The following GIGYF2 variants were observed in gnomAD, a reference collection of about 807,000 sequenced individuals.
GIGYF2 encodes the protein GRB10 interacting GYF protein 2.
GIGYF2 carries 25 observed loss-of-function variants against 208.1 expected under a neutral mutation model. That is an observed-to-expected ratio of 0.12 (90% CI 0.09 to 0.17). The LOEUF (loss-of-function observed/expected upper bound fraction) is 0.17. Among genes scored for constraint, GIGYF2 ranks in the 10% least tolerant of loss-of-function variants. GIGYF2 has a pLI of 1.00. For missense variants in GIGYF2, 1,302 were observed against 1,579.4 expected (o/e 0.82, Z 2.98); for synonymous variants, 534 against 543.8 (o/e 0.98, Z 0.25).
intron 27 of GIGYF2, among the ~76,000 whole-genome samples, chr2:232,848,852 A>T (rs1379891812): frequency 1.3e-5 from 2 of 152,182 alleles, no homozygotes; most frequent in Admixed American, 1.3e-4. Context: ...TAAAAGCACT[A>T]CAAGTATTCA....
Position 232,780,486 on chromosome 2 carries a change from C to T in GIGYF2, c.533-6664C>T, listed in dbSNP as rs148962095. On this transcript the variant is annotated intron_variant, in intron 8 of 28. Coordinates refer to ENST00000373563, the MANE Select transcript of GIGYF2 (RefSeq NM_001103146.3). ...AAAAATACATTTAAAATTTGTGTTTCTTTGCCTTTTGAGGGTCACAGACAC... is the reference window on the plus strand; with the variant it reads ...AAAAATACATTTAAAATTTGTGTTTTTTTGCCTTTTGAGGGTCACAGACAC... 1.3e-3 allele frequency among the ~76,000 whole-genome samples: 191 copies of T among 152,190 alleles called. 3 individuals carry two copies. Among genetic ancestry groups the T allele is most frequent in the African/African-American group, 4.3e-3 (179 of 41,514 alleles).
At chr2:232,735,582 C>T (rs1697698755) in intron 3 of GIGYF2, 2 of 395,180 alleles carry the variant, frequency 5.1e-6, no homozygotes, top group African/African-American at 2.2e-5. Flanking sequence ...ATGTTTTCTG[C>T]TACATTGTTT....
intron 3 of GIGYF2, among the ~76,000 whole-genome samples, chr2:232,746,929 A>T (rs986790410): frequency 3.3e-5 from 5 of 152,140 alleles, no homozygotes; most frequent in African/African-American, 1.2e-4. Flanking sequence ...ATATAACCTT[A>T]TTCTAAATGT....
At chr2:232,764,167 G>A (rs1381710502) in intron 8 of GIGYF2, among the ~76,000 whole-genome samples, 1 of 152,176 alleles carries the variant, frequency 6.6e-6, no homozygotes, top group Admixed American at 6.5e-5. Flanking sequence ...ATCAAATGGG[G>A]CATTTTAACA....
rs567854578 is a variant in GIGYF2, at chr2:232,787,595, G to T, written c.712+266G>T. 3.3e-5 allele frequency among the ~76,000 whole-genome samples: 5 copies of T among 152,046 alleles called. No individual in the cohort carries two copies. In the South Asian group the frequency reaches 1.0e-3, roughly 32 times the overall value. ...ACCTGCGCTCAACTGCAGAAATGAG[G>T]GTTTCATTCAGTTTTGTCTACCTCT... On this transcript the variant is annotated intron_variant, in intron 9 of 28. Transcript: ENST00000373563.
intron 2 of GIGYF2, among the ~76,000 whole-genome samples, chr2:232,726,520 T>C (rs2106282011): frequency 6.6e-6 from 1 of 152,276 alleles, no homozygotes; most frequent in South Asian, 2.1e-4. Context: ...GTGGGAGGAT[T>C]GCTTGAGCTG....
intron 21 of GIGYF2, among the ~76,000 whole-genome samples, chr2:232,828,095 T>C (rs1419394414): frequency 1.3e-5 from 2 of 152,142 alleles, no homozygotes; most frequent in South Asian, 2.1e-4. Context: ...GCTCAGGTGA[T>C]CCTCTCACCT....
chr2:232,823,337 A>G (rs1004332343), intron 21 of GIGYF2, among the ~76,000 whole-genome samples: 3 of 147,410 alleles, frequency 2.0e-5, no homozygotes, highest in Admixed American at 6.8e-5. Flanking sequence ...TAGGTCTACA[A>G]TTTTCTTTCT....
chr2:232,730,046 A>G lies in GIGYF2; in HGVS notation c.-43-5109A>G, dbSNP rs1286326853. 13 of 896,114 alleles carry G rather than the reference A, an allele frequency of 1.5e-5. No individual in the cohort carries two copies. The East Asian group carries it at 2.4e-4, about 17-fold the overall frequency. 55.5% of individuals were successfully genotyped at this position (896,114 alleles called of 1,614,324 possible). On this transcript the variant is annotated intron_variant, in intron 2 of 28. Coordinates refer to ENST00000373563, the MANE Select transcript of GIGYF2 (RefSeq NM_001103146.3). Reference sequence around the variant, plus strand: ...TGATGTGATTATACCAACGAAGGGCATAACACAAGTCAGCAGGCGGTGGGC... The same window carrying G: ...TGATGTGATTATACCAACGAAGGGCGTAACACAAGTCAGCAGGCGGTGGGC...
At position 232,833,066 on chromosome 2, in the gene GIGYF2, G is replaced by GCAGCAA; in HGVS notation, c.2742_2747dup (p.Gln916_Gln917dup). 1 of 1,553,092 alleles carries GCAGCAA rather than the reference G, an allele frequency of 6.4e-7. No homozygotes were observed. Among genetic ancestry groups the GCAGCAA allele is most frequent in the African/African-American group, 1.4e-5 (1 of 73,320 alleles). ...CTCTCCGGAGGTTGCAGCAGCAGCA[G>GCAGCAA]CAGCAACAACAGCTGGCGCAGATGA... is the stretch of plus-strand genomic sequence containing the variant. On this transcript the variant is annotated inframe_insertion, in exon 22 of 29. Coordinates refer to ENST00000373563, the MANE Select transcript of GIGYF2 (RefSeq NM_001103146.3).
At chr2:232,828,480 TCTCA>T (rs1206172059) in intron 21 of GIGYF2, among the ~76,000 whole-genome samples, 15 of 152,044 alleles carry the variant, frequency 9.9e-5, no homozygotes, top group African/African-American at 3.6e-4. Context: ...TGAGTCCAGG[TCTCA>T]CTCTGTTGCC....
chr2:232,854,736 A>T (rs575995234), intron 28 of GIGYF2, among the ~76,000 whole-genome samples: 1 of 152,218 alleles, frequency 6.6e-6, no homozygotes, highest in Non-Finnish European at 1.5e-5. Flanking sequence ...TAATTAAGGT[A>T]TTTTATGTAA....
At chr2:232,843,622 C>A (rs1701898039) in intron 23 of GIGYF2, among the ~76,000 whole-genome samples, 1 of 151,080 alleles carries the variant, frequency 6.6e-6, no homozygotes, top group Non-Finnish European at 1.5e-5. Context: ...GCCTGTAATC[C>A]CAGCACTTTG....
intron 27 of GIGYF2, among the ~76,000 whole-genome samples, chr2:232,848,417 T>C (rs1407120389): frequency 1.3e-5 from 2 of 152,138 alleles, no homozygotes; most frequent in Admixed American, 6.5e-5. Context: ...AGGTGGATCA[T>C]GAGGTCAGGA....
intron 28 of GIGYF2, among the ~76,000 whole-genome samples, chr2:232,855,710 G>A (rs907273019): frequency 6.6e-6 from 1 of 152,072 alleles, no homozygotes; most frequent in South Asian, 2.1e-4. Context: ...GTTTAAAGGG[G>A]TATTAATCCC....
At chr2:232,780,967 T>C (rs941747848) in intron 8 of GIGYF2, among the ~76,000 whole-genome samples, 3 of 152,044 alleles carry the variant, frequency 2.0e-5, no homozygotes, top group African/African-American at 7.2e-5. Context: ...TTTATTATTA[T>C]TATTTTTGGA....
chr2:232,760,777 CTAGA>C (rs1210237720), intron 7 of GIGYF2, 186 bp downstream of exon 7: 1 of 549,462 alleles, frequency 1.8e-6, no homozygotes, highest in African/African-American at 1.9e-5. Flanking sequence ...AAGACGGATT[CTAGA>C]TAGATAGGTT....
At chr2:232,700,223 G>T (rs1559367663) in intron 1 of GIGYF2, among the ~76,000 whole-genome samples, 1 of 152,162 alleles carries the variant, frequency 6.6e-6, no homozygotes, top group South Asian at 2.1e-4. Flanking sequence ...TAGTGATGAG[G>T]TAGTGTTTTA....
chr2:232,784,386 CTTTT>C (rs10645449), intron 8 of GIGYF2, among the ~76,000 whole-genome samples: 2,361 of 92,226 alleles, frequency 0.026, 54 homozygotes, highest in African/African-American at 0.089. Context: ...GAAATAATTT[CTTTT>C]TTTTTTTTTT....
Sources: gnomAD v4.1 joint callset for allele counts (sites outside exome capture counted in the v4.1 genomes callset) on GRCh38, gnomAD v4.1.1 for gene constraint, MANE v1.5 for transcripts, NCBI Gene and HGNC (gene_info 2026-07-23, HGNC 2026-07-21) for gene names.